Variants in FYB2 observed in about 807,000 individuals in gnomAD.
The protein encoded by FYB2 is FYN binding protein 2.
Under a neutral mutation model 94.1 loss-of-function variants are expected in FYB2, and 103 were observed. The observed-to-expected ratio is 1.09, with a 90% CI of 0.93 to 1.29. The LOEUF is 1.29. Ranked by LOEUF, FYB2 falls within the 50% of genes most tolerant of loss-of-function variation. The pLI is 0.00. For synonymous variants in FYB2, 293 were observed against 287.9 expected (o/e 1.02, Z -0.18); for missense variants, 896 against 841.5 (o/e 1.06, Z -0.80).
intron 13 of FYB2, 109 bp from the exon 14 acceptor site, chr1:56,738,762 C>A: frequency 1.8e-6 from 2 of 1,137,134 alleles, no homozygotes; most frequent in East Asian, 2.5e-5. Flanking sequence ...GCCCTTCTTG[C>A]CCTGGTATTC....
chr1:56,819,447 C>T, upstream of FYB2: 1 of 1,060,330 alleles, frequency 9.4e-7, no homozygotes, highest in Non-Finnish European at 1.4e-6. Flanking sequence ...CCCATCTGGG[C>T]CGAGGCTCCT....
intron 2 of FYB2, 133 bp downstream of exon 2, chr1:56,791,923 G>T: frequency 7.8e-7 from 1 of 1,283,620 alleles, no homozygotes. Flanking sequence ...GATGGGCCTA[G>T]AATATCACGT....
chr1:56,740,609 A>T, intron 13 of FYB2, 88 bp downstream of exon 13: 1 of 749,980 alleles, frequency 1.3e-6, no homozygotes, highest in East Asian at 2.9e-5. Flanking sequence ...TATCCCCTTC[A>T]CTGTTTCTGA....
chr1:56,719,893 G>A, intron 19 of FYB2, 129 bp downstream of exon 19: 1 of 1,038,236 alleles, frequency 9.6e-7, no homozygotes, highest in Non-Finnish European at 1.4e-6. Context: ...TTATAGAATA[G>A]GGCACTGCAT....
At chr1:56,723,728 T>G (rs1644531435) in intron 16 of FYB2, 47 bp from the exon 17 acceptor site, 4 of 1,146,784 alleles carry the variant, frequency 3.5e-6, no homozygotes, top group Non-Finnish European at 5.1e-6. Context: ...TAATAAAACT[T>G]TTTAAGTTTC....
intron 15 of FYB2, among the ~76,000 whole-genome samples, chr1:56,730,844 A>G (rs539643860): frequency 6.6e-6 from 1 of 152,270 alleles, no homozygotes; most frequent in South Asian, 2.1e-4. Flanking sequence ...AGAAAATTAC[A>G]GGTCGATATC....
chr1:56,771,497 G>A (rs1164108876), intron 4 of FYB2, among the ~76,000 whole-genome samples: 2 of 152,136 alleles, frequency 1.3e-5, no homozygotes, highest in Non-Finnish European at 2.9e-5. Context: ...CCTCTGCAAA[G>A]GGAGAAAGGG....
At chr1:56,756,240 G>A (rs1645327536) in intron 6 of FYB2, among the ~76,000 whole-genome samples, 1 of 152,154 alleles carries the variant, frequency 6.6e-6, no homozygotes, top group Non-Finnish European at 1.5e-5. Flanking sequence ...TAAATCCTAT[G>A]AGAAAATATG....
chr1:56,808,974 G>C (rs1646704958), intron 1 of FYB2, among the ~76,000 whole-genome samples: 1 of 152,238 alleles, frequency 6.6e-6, no homozygotes, highest in South Asian at 2.1e-4. Flanking sequence ...ACCAAGTTGT[G>C]CATCTATTAT....
At chr1:56,824,683 T>A (rs1647014450), upstream of FYB2, 1 of 152,270 alleles carries the variant, frequency 6.6e-6, no homozygotes, top group African/African-American at 2.4e-5. Flanking sequence ...TTTCCGACCC[T>A]TTGTCATCCT....
intron 5 of FYB2, 150 bp from the exon 6 acceptor site, chr1:56,758,900 G>A (rs935675973): frequency 6.0e-6 from 3 of 500,564 alleles, no homozygotes; most frequent in African/African-American, 2.0e-5. Context: ...TAGAAAGTTT[G>A]GGAAATTATG....
chr1:56,776,410 A>AT (rs993545813), intron 4 of FYB2, among the ~76,000 whole-genome samples: 27 of 152,296 alleles, frequency 1.8e-4, no homozygotes, highest in African/African-American at 6.0e-4. Context: ...ATCAGGGTGA[A>AT]TTTGGGAATG....
intron 15 of FYB2, among the ~76,000 whole-genome samples, chr1:56,735,285 A>T (rs1055058243): frequency 6.6e-6 from 1 of 152,184 alleles, no homozygotes; most frequent in African/African-American, 2.4e-5. Context: ...GCCATAAAAA[A>T]GAATGAAATC....
At chr1:56,756,679 T>C (rs1387139611) in intron 6 of FYB2, among the ~76,000 whole-genome samples, 12 of 152,162 alleles carry the variant, frequency 7.9e-5, no homozygotes, top group Admixed American at 7.2e-4. Flanking sequence ...CCTTGTTTTA[T>C]ATCTTTGTTA....
chr1:56,769,864 G>A (rs997677961), intron 4 of FYB2, among the ~76,000 whole-genome samples: 2 of 152,094 alleles, frequency 1.3e-5, no homozygotes, highest in Non-Finnish European at 2.9e-5. Flanking sequence ...CATAGATTAA[G>A]CTATTCCAAT....
intron 1 of FYB2, among the ~76,000 whole-genome samples, chr1:56,805,322 C>T (rs1305444595): frequency 1.3e-5 from 2 of 152,108 alleles, no homozygotes; most frequent in Non-Finnish European, 2.9e-5. Flanking sequence ...GATTAGAAAG[C>T]ATTTGTTGTA....
At chr1:56,753,404 A>C (rs1260051357) in intron 8 of FYB2, among the ~76,000 whole-genome samples, 1 of 152,140 alleles carries the variant, frequency 6.6e-6, no homozygotes, top group East Asian at 1.9e-4. Flanking sequence ...TAGAATTGGC[A>C]TGGGAATGGG....
chr1:56,818,854 C>T (rs1210654821), intron 1 of FYB2, among the ~76,000 whole-genome samples: 2 of 152,186 alleles, frequency 1.3e-5, no homozygotes, highest in Non-Finnish European at 2.9e-5. Context: ...GAGCAATGCA[C>T]AGCCGGCTTC....
At chr1:56,766,381 C>A (rs1156568805) in intron 5 of FYB2, among the ~76,000 whole-genome samples, 2 of 152,134 alleles carry the variant, frequency 1.3e-5, no homozygotes, top group African/African-American at 2.4e-5. Flanking sequence ...TCTAGACTGC[C>A]CAGTCTAAAA....
Sources: gnomAD v4.1 joint callset for allele counts (sites outside exome capture counted in the v4.1 genomes callset) on GRCh38, gnomAD v4.1.1 for gene constraint, MANE v1.5 for transcripts, NCBI Gene and HGNC (gene_info 2026-07-23, HGNC 2026-07-21) for gene names.